The following SSBP2 variants were observed in gnomAD, a reference collection of about 807,000 sequenced individuals.
SSBP2 encodes the protein single-stranded DNA-binding protein 2.
SSBP2 carries 17 observed loss-of-function variants against 61.8 expected under a neutral mutation model. The observed-to-expected ratio is 0.28, with a 90% CI of 0.19 to 0.41. SSBP2 has a LOEUF of 0.41. Among genes scored for constraint, SSBP2 ranks in the 10% least tolerant of loss-of-function variants. The pLI, the probability that SSBP2 is intolerant of heterozygous loss-of-function variation, is 1.00. For missense variants in SSBP2, 310 were observed against 458.7 expected (o/e 0.68, Z 2.96); for synonymous variants, 139 against 141.3 (o/e 0.98, Z 0.12).
chr5:81,688,092 C>A (rs952140686), intron 1 of SSBP2, among the ~76,000 whole-genome samples: 66 of 152,256 alleles, frequency 4.3e-4, no homozygotes, highest in African/African-American at 1.2e-3. Context: ...TGGACCTGTC[C>A]TGGCCCAGAA....
chr5:81,557,409 T>A (rs1772687954), intron 4 of SSBP2, among the ~76,000 whole-genome samples: 1 of 152,144 alleles, frequency 6.6e-6, no homozygotes, highest in Non-Finnish European at 1.5e-5. Context: ...CTTTTGGCAG[T>A]GATTTATGTA....
At chr5:81,500,586 G>A (rs187742348) in intron 5 of SSBP2, among the ~76,000 whole-genome samples, 286 of 152,010 alleles carry the variant, frequency 1.9e-3, no homozygotes, top group African/African-American at 6.6e-3. Flanking sequence ...TCAGTCTCCC[G>A]AGTAGCTGGG....
chr5:81,504,008 A>G lies in SSBP2; in HGVS notation c.372+9620T>C, dbSNP rs181179167. On this transcript the variant is annotated intron_variant, in intron 5 of 16. Transcript: ENST00000320672. ...GAGGGTGGAAGGTGGGAGGAGGAAA[A>G]AGATCAGAAAAAAATAAATATTGGG... Among the ~76,000 whole-genome samples, 51 of 152,260 alleles carry G rather than the reference A, an allele frequency of 3.3e-4. 1 individual carries two copies. Among genetic ancestry groups the G allele is most frequent in the Admixed American group, 3.0e-3 (46 of 15,284 alleles).
At chr5:81,689,779 T>G (rs1188334180) in intron 1 of SSBP2, among the ~76,000 whole-genome samples, 1 of 152,108 alleles carries the variant, frequency 6.6e-6, no homozygotes, top group Non-Finnish European at 1.5e-5. Flanking sequence ...CTTACTGGTA[T>G]GGTAAGTACA....
chr5:81,637,729 G>C (rs1748369852), intron 2 of SSBP2, among the ~76,000 whole-genome samples: 1 of 152,210 alleles, frequency 6.6e-6, no homozygotes, highest in East Asian at 1.9e-4. Flanking sequence ...AAGAGTAATT[G>C]AGACCCAGCC....
intron 4 of SSBP2, among the ~76,000 whole-genome samples, chr5:81,582,187 T>C (rs1774707069): frequency 6.6e-6 from 1 of 152,160 alleles, no homozygotes; most frequent in African/African-American, 2.4e-5. Context: ...ATCTATGAGC[T>C]GCTGTTATTT....
At chr5:81,550,521 A>G (rs1288032374) in intron 4 of SSBP2, among the ~76,000 whole-genome samples, 1 of 152,228 alleles carries the variant, frequency 6.6e-6, no homozygotes, top group East Asian at 1.9e-4. Context: ...GAGGGGCATG[A>G]AAAAATTACA....
chr5:81,442,873 A>T, intron 12 of SSBP2, 150 bp from the exon 13 acceptor site: 1 of 415,160 alleles, frequency 2.4e-6, no homozygotes, highest in Non-Finnish European at 4.3e-6. Context: ...ATAAATACCC[A>T]CAGTCATTTT....
chr5:81,567,290 A>G (rs1024584893), intron 4 of SSBP2, among the ~76,000 whole-genome samples: 5 of 152,144 alleles, frequency 3.3e-5, no homozygotes, highest in East Asian at 1.9e-4. Flanking sequence ...TTGTTTCTCT[A>G]TGTCCCAGCT....
intron 4 of SSBP2, among the ~76,000 whole-genome samples, chr5:81,517,968 A>C (rs891563250): frequency 6.6e-6 from 1 of 152,132 alleles, no homozygotes; most frequent in East Asian, 1.9e-4. Flanking sequence ...AATTTGTTTA[A>C]AAATAAAATT....
At position 81,445,522 on chromosome 5, in the gene SSBP2, T is replaced by G. The variant is rs1018914340; in HGVS notation, c.778+1346A>C. Among the ~76,000 whole-genome samples, 3 of 152,142 alleles carry G rather than the reference T, an allele frequency of 2.0e-5. No homozygotes were observed. The East Asian group carries it at 5.8e-4, about 29-fold the overall frequency. Reference sequence around the variant, plus strand: ...ACATAAATATGGGCAAGATGATCAGTTGATATAATTCTATCTTCGATGAAT... The same window carrying G: ...ACATAAATATGGGCAAGATGATCAGGTGATATAATTCTATCTTCGATGAAT... On this transcript the variant is annotated intron_variant, in intron 12 of 16. Coordinates refer to ENST00000320672, the MANE Select transcript of SSBP2 (RefSeq NM_012446.5).
At chr5:81,573,131 G>T (rs1012432687) in intron 4 of SSBP2, among the ~76,000 whole-genome samples, 3 of 152,090 alleles carry the variant, frequency 2.0e-5, no homozygotes, top group African/African-American at 7.2e-5. Context: ...AAAAAGATCT[G>T]TTGGGGTTTT....
intron 16 of SSBP2, among the ~76,000 whole-genome samples, chr5:81,425,050 C>T (rs1206698896): frequency 1.3e-5 from 2 of 152,152 alleles, no homozygotes; most frequent in African/African-American, 4.8e-5. Context: ...AAAAATGTAA[C>T]CCTTAAAGAT....
At chr5:81,707,301 G>A (rs1414387946) in intron 1 of SSBP2, among the ~76,000 whole-genome samples, 1 of 152,116 alleles carries the variant, frequency 6.6e-6, no homozygotes, top group Non-Finnish European at 1.5e-5. Flanking sequence ...ACCTCAGAAT[G>A]TGACCTAATG....
chr5:81,600,688 A>G (rs1189464722), intron 4 of SSBP2, among the ~76,000 whole-genome samples: 2 of 152,066 alleles, frequency 1.3e-5, no homozygotes, highest in Non-Finnish European at 2.9e-5. Context: ...CTGAATACCT[A>G]AGATAAATGA....
intron 4 of SSBP2, among the ~76,000 whole-genome samples, chr5:81,592,437 G>C (rs553372989): frequency 6.6e-6 from 1 of 152,108 alleles, no homozygotes; most frequent in Non-Finnish European, 1.5e-5. Flanking sequence ...AAACAAAAAG[G>C]CAGCAGTAAC....
At chr5:81,688,981 C>A (rs531485697) in intron 1 of SSBP2, among the ~76,000 whole-genome samples, 13 of 151,890 alleles carry the variant, frequency 8.6e-5, no homozygotes, top group African/African-American at 2.9e-4. Flanking sequence ...AAAGAAAACA[C>A]AGAGAAGGAA....
At chr5:81,516,762 A>T (rs556595517) in intron 4 of SSBP2, among the ~76,000 whole-genome samples, 43 of 152,172 alleles carry the variant, frequency 2.8e-4, no homozygotes, top group African/African-American at 9.9e-4. Flanking sequence ...AGTAGCAAAT[A>T]AATAATGCAA....
At chr5:81,649,478 G>A (rs919098148) in intron 2 of SSBP2, among the ~76,000 whole-genome samples, 1 of 152,050 alleles carries the variant, frequency 6.6e-6, no homozygotes, top group East Asian at 1.9e-4. Flanking sequence ...ACAGCAAGAT[G>A]GATTAAGCTG....
Sources: allele counts gnomAD v4.1 joint callset (sites outside exome capture counted in the v4.1 genomes callset), GRCh38; gene constraint gnomAD v4.1.1; transcripts MANE v1.5; gene names NCBI Gene and HGNC (gene_info 2026-07-23, HGNC 2026-07-21).